MGME1: variants seen among roughly 807,000 people sequenced by gnomAD.
MGME1 encodes chromosome 20 open reading frame 72.
In MGME1, 22 loss-of-function variants were observed where a neutral mutation model predicts 33.0. The observed-to-expected ratio is 0.67, with a 90% CI of 0.48 to 0.95. The LOEUF (loss-of-function observed/expected upper bound fraction) is 0.95, where lower values mean the gene tolerates loss of function less well. Ranked by LOEUF, MGME1 falls within the 40% of genes least tolerant of loss-of-function variation. The pLI is 0.00. For synonymous variants in MGME1, 133 were observed against 144.0 expected, an observed-to-expected ratio of 0.92 and a Z score of 0.55; for missense variants, 383 against 397.8, an observed-to-expected ratio of 0.96 and a Z score of 0.32.
In MGME1 at chr20:17,975,823, TGGAGTGCGA is replaced by T; in HGVS notation, c.653_661del (p.Gly218_Arg220del). 1 of 1,614,134 alleles carries T rather than the reference TGGAGTGCGA, an allele frequency of 6.2e-7. No individual in the cohort carries two copies. Among genetic ancestry groups the T allele is most frequent in the Non-Finnish European group, 8.5e-7 (1 of 1,180,006 alleles). The stretch of plus-strand genomic sequence containing the variant: ...TCCAGCATATTCTGAAAGATGTCAG[TGGAGTGCGA>T]GCTCTTGAAAGTGCTGTTCAACATG... On this transcript the variant is annotated inframe_deletion, in exon 3 of 5. Transcript: ENST00000377710.
In MGME1 at chr20:17,990,421, G is replaced by GGGT. The variant is rs1600413051; in HGVS notation, c.*314_*315insTGG. Reference sequence around the variant, plus strand: ...CCCTTGAGGGACATTGGGGGGGGGGGGGCGTGGTCCCAGGCAGGATGCCCA... The same window carrying GGGT: ...CCCTTGAGGGACATTGGGGGGGGGGGGGTGGCGTGGTCCCAGGCAGGATGCCCA... On this transcript the variant is annotated 3_prime_UTR_variant, in exon 5 of 5. Coordinates refer to ENST00000377710, the MANE Select transcript of MGME1 (RefSeq NM_052865.4). 5 of 316,164 alleles carry GGGT rather than the reference G, an allele frequency of 1.6e-5. No individual in the cohort carries two copies. The East Asian group carries it at 3.3e-4, about 21-fold the overall frequency. 19.6% of individuals were successfully genotyped at this position (316,164 alleles called of 1,614,324 possible). A position where few individuals can be genotyped will look rare whatever the true frequency, so the allele number is the denominator to read the frequency against.
intron 2 of MGME1, among the ~76,000 whole-genome samples, chr20:17,975,361 A>G (rs565426603): frequency 6.6e-6 from 1 of 152,098 alleles, no homozygotes; most frequent in East Asian, 1.9e-4. Context: ...GTTCGAGACC[A>G]GCCTCACCAA....
At chr20:17,989,801 T>C in intron 4 of MGME1, 138 bp from the exon 5 acceptor site, 1 of 722,352 alleles carries the variant, frequency 1.4e-6, no homozygotes, top group Admixed American at 2.8e-5. Flanking sequence ...CAGTCTTTGA[T>C]CAACCTACCT....
At chr20:17,979,844 A>G (rs1477461401) in intron 3 of MGME1, among the ~76,000 whole-genome samples, 1 of 151,898 alleles carries the variant, frequency 6.6e-6, no homozygotes, top group African/African-American at 2.4e-5. Context: ...CTGTCCTTCC[A>G]CCTCAGCTTC....
At chr20:17,976,687 G>A (rs946904123) in intron 3 of MGME1, among the ~76,000 whole-genome samples, 4 of 151,782 alleles carry the variant, frequency 2.6e-5, no homozygotes, top group African/African-American at 9.7e-5. Flanking sequence ...TTGAGACGGA[G>A]TTTTGCTCTT....
Position 17,970,055 on chromosome 20 carries a change from G to A in MGME1, c.196G>A (p.Ala66Thr), listed in dbSNP as rs1316859971. ...GTCTGTCTTGTCATCCAGAGGCGTC[G>A]CCCAGACCCCGGGATCGGTGGAGGA... Reference protein sequence around the residue: ...VQSVLSSRGVAQTPGSVEEDA... With the variant: ...VQSVLSSRGVTQTPGSVEEDA... The change falls in exon 2 of 5, where the codon GCC (alanine) becomes ACC (threonine). Residue 66 changes from alanine to threonine, a missense_variant. Physicochemically the swap from Ala to Thr is moderately conservative, Grantham distance 58. Transcript: ENST00000377710. 6.2e-7 allele frequency: 1 copy of A among 1,614,182 alleles called. No individual in the cohort carries two copies.
upstream of MGME1, chr20:17,968,762 G>A (rs928860076): frequency 2.8e-5 from 10 of 358,342 alleles, no homozygotes; most frequent in South Asian, 3.8e-5. Flanking sequence ...GGAAGCAACG[G>A]ACACTCTCCC....
rs566327913 is a variant in MGME1 at position 17,990,570 on chromosome 20, C to G, written c.*461C>G. On this transcript the variant is annotated 3_prime_UTR_variant, in exon 5 of 5. Coordinates refer to ENST00000377710, the MANE Select transcript of MGME1 (RefSeq NM_052865.4). ...CAGGGAGGACACATCAGCCCACTAC[C>G]GCTGCCAACACCAATGCCTAAAACT... 4 of 173,012 alleles carry G rather than the reference C, an allele frequency of 2.3e-5. No individual in the cohort carries two copies. The highest frequency in any genetic ancestry group is 4.9e-5 in the Non-Finnish European group (4 of 82,048). The allele number at this position is 173,012 out of a possible 1,614,324, so 10.7% of individuals were successfully genotyped here. A position where few individuals can be genotyped will look rare whatever the true frequency, so the allele number is the denominator to read the frequency against.
At chr20:17,972,985 A>C (rs1470924161) in intron 2 of MGME1, among the ~76,000 whole-genome samples, 1 of 152,208 alleles carries the variant, frequency 6.6e-6, no homozygotes, top group African/African-American at 2.4e-5. Context: ...TTAGTTCCTA[A>C]GTTGAATTTC....
Position 17,969,932 on chromosome 20 carries a change from C to G in MGME1, c.73C>G (p.Leu25Val), listed in dbSNP as rs1191252871. 1.1e-5 allele frequency: 17 copies of G among 1,614,138 alleles called. No individual in the cohort carries two copies. Among genetic ancestry groups the G allele is most frequent in the Non-Finnish European group, 1.1e-5 (13 of 1,180,004 alleles). The stretch of plus-strand genomic sequence containing the variant: ...AAAGTTTTCTGTGGAATCAGCTGCC[C>G]TTGTGGCTTTCTCTACTTCCTCTTA... ...SSKFSVESAA[L>V]VAFSTSSYSC... The change falls in exon 2 of 5, where the codon CTT becomes GTT. Residue 25 changes from leucine (L) to valine (V), a missense_variant. By Grantham distance (32) the Leu-to-Val change is conservative. Transcript: ENST00000377710.
chr20:17,981,601 A>ACCT (rs1421944030), intron 3 of MGME1, among the ~76,000 whole-genome samples: 28 of 151,976 alleles, frequency 1.8e-4, no homozygotes, highest in Non-Finnish European at 4.0e-4. Flanking sequence ...TCAGCCTCCC[A>ACCT]AAGTGCTGGG....
intron 2 of MGME1, 58 bp from the exon 3 acceptor site, chr20:17,975,626 T>C (rs1001011982): frequency 1.6e-6 from 2 of 1,267,184 alleles, no homozygotes; most frequent in East Asian, 4.7e-5. Context: ...GTATTTGTTT[T>C]TCAGTGTTAG....
chr20:17,974,640 A>T (rs990120656), intron 2 of MGME1, among the ~76,000 whole-genome samples: 1 of 152,218 alleles, frequency 6.6e-6, no homozygotes. Flanking sequence ...GGAAGAAAGA[A>T]GATGTGTCCT....
intron 2 of MGME1, among the ~76,000 whole-genome samples, 173 bp downstream of exon 2, chr20:17,970,543 A>C (rs962932164): frequency 2.6e-5 from 4 of 152,234 alleles, no homozygotes; most frequent in Non-Finnish European, 5.9e-5. Flanking sequence ...CTTGATCCTC[A>C]TGGTAGTCCT....
At chr20:17,981,177 A>T (rs1266610872) in intron 3 of MGME1, among the ~76,000 whole-genome samples, 1 of 152,156 alleles carries the variant, frequency 6.6e-6, no homozygotes, top group East Asian at 1.9e-4. Context: ...CACACACATA[A>T]TGCTATGTAT....
At chr20:17,975,993 T>G (rs1417819413) in intron 3 of MGME1, 90 bp downstream of exon 3, 1 of 1,061,478 alleles carries the variant, frequency 9.4e-7, no homozygotes, top group Non-Finnish European at 1.4e-6. Flanking sequence ...CCTCTGTCTG[T>G]TTAATGTCCA....
intron 3 of MGME1, among the ~76,000 whole-genome samples, chr20:17,976,516 C>G (rs1394235329): frequency 3.9e-5 from 6 of 152,282 alleles, no homozygotes; most frequent in African/African-American, 1.4e-4. Flanking sequence ...CAATTTCATT[C>G]CTGCGTTTTC....
At position 17,969,908 on chromosome 20, in the gene MGME1, A is replaced by G. The variant is rs761854428; in HGVS notation, c.49A>G (p.Lys17Glu). The G allele has an allele frequency of 1.6e-5, 26 of 1,613,748 alleles. No homozygotes were observed. In the East Asian group the frequency reaches 4.0e-4, roughly 25 times the overall value. ...QTICRQLRSS[K>E]FSVESAALVA... ...CATTTGCAGGCAGCTCAGGAGTTCA[A>G]AGTTTTCTGTGGAATCAGCTGCCCT... The change falls in exon 2 of 5, where the codon AAG becomes GAG. Residue 17 changes from lysine (K) to glutamate (E), a missense_variant. Transcript: ENST00000377710.
chr20:17,968,758 A>C, upstream of MGME1: 1 of 364,588 alleles, frequency 2.7e-6, no homozygotes, highest in Non-Finnish European at 5.1e-6. Context: ...GACGGGAAGC[A>C]ACGGACACTC....
Sources: gnomAD v4.1 joint callset for allele counts (sites outside exome capture counted in the v4.1 genomes callset) on GRCh38, gnomAD v4.1.1 for gene constraint, MANE v1.5 for transcripts, NCBI Gene and HGNC (gene_info 2026-07-23, HGNC 2026-07-21) for gene names.